SLC25A21: variants seen among roughly 807,000 people sequenced by gnomAD.
SLC25A21 encodes solute carrier family 25 member 21.
SLC25A21 carries 47 observed loss-of-function variants against 43.8 expected under a neutral mutation model. The ratio of observed to expected loss-of-function variants is 1.07; its 90% CI spans 0.85 to 1.37. The LOEUF is 1.37. SLC25A21 is among the 40% of genes most tolerant of loss of function. The pLI, the probability that SLC25A21 is intolerant of heterozygous loss-of-function variation, is 0.00. For synonymous variants in SLC25A21, 131 were observed against 121.3 expected (o/e 1.08, Z -0.52); for missense variants, 352 against 350.2 (o/e 1.00, Z -0.04).
At chr14:36,847,693 T>C (rs1472750013) in intron 2 of SLC25A21, among the ~76,000 whole-genome samples, 1 of 152,086 alleles carries the variant, frequency 6.6e-6, no homozygotes, top group Non-Finnish European at 1.5e-5. Context: ...CGTGCCATGT[T>C]TGGGGAAAAG....
At chr14:37,070,214 C>T (rs1199649545) in intron 1 of SLC25A21, among the ~76,000 whole-genome samples, 1 of 152,162 alleles carries the variant, frequency 6.6e-6, no homozygotes, top group African/African-American at 2.4e-5. Context: ...GATGGGCACA[C>T]CAAGAGACAT....
At position 36,821,994 on chromosome 14, in the gene SLC25A21, A is replaced by G. The variant is rs539617604; in HGVS notation, c.120-7993T>C. 2.0e-5 allele frequency among the ~76,000 whole-genome samples: 3 copies of G among 152,272 alleles called. No individual in the cohort carries two copies. In the South Asian group the frequency reaches 6.2e-4, roughly 32 times the overall value. ...GTCTCAGCATTTACTGAGCTCCCCAACTGTACAAGGAACAAGGTTAAGGGT... is the reference window on the plus strand; with the variant it reads ...GTCTCAGCATTTACTGAGCTCCCCAGCTGTACAAGGAACAAGGTTAAGGGT... On this transcript the variant is annotated intron_variant, in intron 2 of 9. Coordinates refer to ENST00000331299, the MANE Select transcript of SLC25A21 (RefSeq NM_030631.4).
chr14:36,941,527 T>C lies in SLC25A21; in HGVS notation c.71-66523A>G, dbSNP rs1258850487. ...AAGTCTCAACATTTAATAAATGTTT[T>C]TACCACATTAATTTGCATTTTAACA... On this transcript the variant is annotated intron_variant, in intron 1 of 9. Coordinates refer to ENST00000331299, the MANE Select transcript of SLC25A21 (RefSeq NM_030631.4). Among the ~76,000 whole-genome samples the C allele has an allele frequency of 3.3e-5, 5 of 152,174 alleles. No individual in the cohort carries two copies. The East Asian group carries it at 9.6e-4, about 29-fold the overall frequency.
rs75493991 is a variant in SLC25A21 at position 36,703,206 on chromosome 14, C to T, written c.603+8112G>A. On this transcript the variant is annotated intron_variant, in intron 7 of 9. Coordinates refer to ENST00000331299, the MANE Select transcript of SLC25A21 (RefSeq NM_030631.4). ...ACTATGCTCTAATTCTATTGAGATT[C>T]TTCTTTTCAAAATATAAACAGCTCT... Among the ~76,000 whole-genome samples the T allele has an allele frequency of 5.2e-3, 790 of 152,198 alleles. 7 individuals carry two copies. Among genetic ancestry groups the T allele is most frequent in the African/African-American group, 0.018 (744 of 41,510 alleles).
chr14:37,121,841 T>A lies in SLC25A21; in HGVS notation c.70+50440A>T, dbSNP rs140317974. Among the ~76,000 whole-genome samples the A allele has an allele frequency of 5.0e-3, 763 of 152,210 alleles. 9 individuals carry two copies. The highest frequency in any genetic ancestry group is 0.018 in the African/African-American group (739 of 41,556). ...AAAGTGTTGTTTCTATTAAATGCCA[T>A]GAGTGGGGAATTCACGCCGGAGAAA... On this transcript the variant is annotated intron_variant, in intron 1 of 9. Transcript: ENST00000331299.
At chr14:36,798,386 T>C (rs923241848) in intron 3 of SLC25A21, among the ~76,000 whole-genome samples, 2 of 152,180 alleles carry the variant, frequency 1.3e-5, no homozygotes, top group Non-Finnish European at 2.9e-5. Context: ...CCTGTAGGTA[T>C]TGGAAATGCA....
intron 3 of SLC25A21, among the ~76,000 whole-genome samples, chr14:36,786,884 C>T (rs192441600): frequency 3.7e-4 from 57 of 152,262 alleles, no homozygotes; most frequent in Non-Finnish European, 6.6e-4. Context: ...GGAGAGGCCA[C>T]GGTCTTTCAC....
chr14:36,703,989 TTAC>T (rs1883389638), intron 7 of SLC25A21, among the ~76,000 whole-genome samples: 1 of 152,166 alleles, frequency 6.6e-6, no homozygotes, highest in African/African-American at 2.4e-5. Flanking sequence ...TCCATTCCAT[TTAC>T]TACAAGATGT....
intron 3 of SLC25A21, among the ~76,000 whole-genome samples, chr14:36,755,177 C>A (rs181700699): frequency 2.6e-5 from 4 of 152,164 alleles, no homozygotes; most frequent in East Asian, 3.9e-4. Flanking sequence ...TGAATGAGGA[C>A]AAATCTGGTA....
At chr14:36,954,405 C>A (rs756635867) in intron 1 of SLC25A21, among the ~76,000 whole-genome samples, 4 of 152,078 alleles carry the variant, frequency 2.6e-5, no homozygotes, top group Non-Finnish European at 5.9e-5. Context: ...CCTGAAATCT[C>A]TAGCTTGACT....
At chr14:36,841,563 T>A (rs924572111) in intron 2 of SLC25A21, among the ~76,000 whole-genome samples, 2 of 152,202 alleles carry the variant, frequency 1.3e-5, no homozygotes, top group African/African-American at 2.4e-5. Context: ...TCCTCTCCAC[T>A]TTCACTGATT....
chr14:36,710,526 G>C (rs189275740), intron 7 of SLC25A21, among the ~76,000 whole-genome samples: 1 of 152,228 alleles, frequency 6.6e-6, no homozygotes, highest in East Asian at 1.9e-4. Flanking sequence ...GAACTCCTGG[G>C]CTCAAGCGCT....
At chr14:36,770,379 G>C (rs1028924184) in intron 3 of SLC25A21, among the ~76,000 whole-genome samples, 2 of 152,144 alleles carry the variant, frequency 1.3e-5, no homozygotes, top group African/African-American at 4.8e-5. Context: ...AGGTGGGAGG[G>C]AAGGAGGGAG....
At chr14:36,992,441 T>G (rs1299470385) in intron 1 of SLC25A21, among the ~76,000 whole-genome samples, 1 of 152,124 alleles carries the variant, frequency 6.6e-6, no homozygotes, top group Non-Finnish European at 1.5e-5. Flanking sequence ...AAAAATTTTT[T>G]TTAAAGAATA....
chr14:37,151,162 G>A (rs931418282), intron 1 of SLC25A21, among the ~76,000 whole-genome samples: 11 of 152,224 alleles, frequency 7.2e-5, no homozygotes, highest in Non-Finnish European at 1.3e-4. Context: ...TCTCCCTACA[G>A]TAGTCTATTC....
At chr14:36,862,960 T>C (rs1448479401) in intron 2 of SLC25A21, among the ~76,000 whole-genome samples, 2 of 152,140 alleles carry the variant, frequency 1.3e-5, no homozygotes, top group East Asian at 1.9e-4. Context: ...GTGATGGGCA[T>C]TGGCTAAATA....
chr14:37,013,440 G>A (rs1394945406), intron 1 of SLC25A21, among the ~76,000 whole-genome samples: 1 of 152,104 alleles, frequency 6.6e-6, no homozygotes, highest in South Asian at 2.1e-4. Context: ...TGCTCCAAGG[G>A]GGAAAACGCT....
At chr14:36,880,277 T>C (rs1388060790) in intron 1 of SLC25A21, among the ~76,000 whole-genome samples, 1 of 152,174 alleles carries the variant, frequency 6.6e-6, no homozygotes, top group Non-Finnish European at 1.5e-5. Flanking sequence ...AAGGTAACTT[T>C]GGGCATAGAG....
chr14:36,960,774 T>C (rs943258702), intron 1 of SLC25A21, among the ~76,000 whole-genome samples: 15 of 152,124 alleles, frequency 9.9e-5, no homozygotes, highest in African/African-American at 3.1e-4. Flanking sequence ...AACACAGTTA[T>C]AGCCAAAACA....
Sources: gnomAD v4.1 joint callset for allele counts (sites outside exome capture counted in the v4.1 genomes callset) on GRCh38, gnomAD v4.1.1 for gene constraint, MANE v1.5 for transcripts, NCBI Gene and HGNC (gene_info 2026-07-23, HGNC 2026-07-21) for gene names.